The following CFAP251 variants were observed in gnomAD, a reference collection of about 807,000 sequenced individuals.
CFAP251 encodes cilia- and flagella-associated protein 251.
Under a neutral mutation model 126.7 loss-of-function variants are expected in CFAP251, and 93 were observed. The ratio of observed to expected loss-of-function variants is 0.73; its 90% confidence interval spans 0.62 to 0.87. The LOEUF is 0.87. Ranked by LOEUF, CFAP251 falls within the 40% of genes least tolerant of loss-of-function variation. CFAP251 has a pLI of 0.00. For missense variants in CFAP251, 1,287 were observed against 1,389.2 expected, an observed-to-expected ratio of 0.93 and a Z score of 1.17; for synonymous variants, 503 against 506.9, an observed-to-expected ratio of 0.99 and a Z score of 0.10.
chr12:121,965,884 A>T (rs1882103945), intron 15 of CFAP251, among the ~76,000 whole-genome samples: 3 of 144,578 alleles, frequency 2.1e-5, no homozygotes, highest in South Asian at 2.2e-4. Context: ...CAGTGGCATG[A>T]TCTCAGCTCA....
At position 121,959,019 on chromosome 12, in the gene CFAP251, A is replaced by G. The variant is rs753126148; in HGVS notation, c.2058A>G (p.Pro686=). 1 of 1,613,462 alleles carries G rather than the reference A, an allele frequency of 6.2e-7. No homozygotes were observed. The highest frequency in any genetic ancestry group is 8.5e-7 in the Non-Finnish European group (1 of 1,179,774). The change falls in exon 13 of 22, where the codon CCA becomes CCG. Residue 686 remains proline, a synonymous_variant. Transcript: ENST00000288912. ...CAATGTCTTTAGAAAATGAAAGCCC[A>G]GAGCCTTTCAAATATTCCAGAACCA... The part of the protein sequence containing the change: ...LDAMSLENES[P]EPFKYSRTSV...
intron 2 of CFAP251, 134 bp from the exon 3 acceptor site, chr12:121,923,488 C>G: frequency 2.5e-6 from 3 of 1,207,384 alleles, no homozygotes; most frequent in Non-Finnish European, 3.4e-6. Flanking sequence ...CAAAATGTTC[C>G]AGCCTCTTTT....
At position 121,975,610 on chromosome 12, in the gene CFAP251, G is replaced by T; in HGVS notation, c.2931G>T (p.Lys977Asn). Residue 977 changes from lysine (K) to asparagine (N), a missense_variant, in exon 19 of 22, where the codon AAG becomes AAT. Physicochemically the swap from Lys to Asn is moderately conservative, Grantham distance 94. Transcript: ENST00000288912. ...GCATCGACACAATGGAGACCAGAAA[G>T]GTGTCAGAACACATTTGCCTGTCAG... ...SQGIDTMETR[K>N]VSEHICLSEL... 1.2e-6 allele frequency: 2 copies of T among 1,604,490 alleles called. No homozygotes were observed. Among genetic ancestry groups the T allele is most frequent in the Non-Finnish European group, 1.7e-6 (2 of 1,177,646 alleles).
rs527522934 is a variant in CFAP251 at position 122,002,928 on chromosome 12, C to T, written c.3338-724C>T. The stretch of plus-strand genomic sequence containing the variant: ...CATCAAATTAAACAAAGTCCCTGAA[C>T]TCAGATAATTTCAGACTCCAGTAGC... On this transcript the variant is annotated intron_variant, in intron 21 of 21. Coordinates refer to ENST00000288912, the MANE Select transcript of CFAP251 (RefSeq NM_144668.6). Among the ~76,000 whole-genome samples the T allele has an allele frequency of 7.9e-5, 12 of 152,264 alleles. No homozygotes were observed. The South Asian group carries it at 2.5e-3, about 32-fold the overall frequency.
chr12:121,936,345 G>A (rs1467667233), intron 5 of CFAP251, among the ~76,000 whole-genome samples: 1 of 152,230 alleles, frequency 6.6e-6, no homozygotes, highest in Non-Finnish European at 1.5e-5. Context: ...TACGCGGGAG[G>A]CTGAGGCGGG....
At chr12:121,975,810 TG>T (rs1882443047) in intron 19 of CFAP251, 125 bp downstream of exon 19, 2 of 1,070,114 alleles carry the variant, frequency 1.9e-6, no homozygotes, top group Non-Finnish European at 1.3e-6. Context: ...ATCAGAAAGA[TG>T]GTTCTGGGCA....
chr12:121,957,996 T>A (rs1881787350), intron 11 of CFAP251, among the ~76,000 whole-genome samples: 3 of 152,242 alleles, frequency 2.0e-5, no homozygotes, highest in Non-Finnish European at 4.4e-5. Context: ...CATATTTGCA[T>A]ACACAAATGA....
At chr12:121,947,854 G>A (rs1397814805) in intron 7 of CFAP251, 1 of 152,120 alleles carries the variant, frequency 6.6e-6, no homozygotes, top group Non-Finnish European at 1.5e-5. Context: ...GTGCTGTTCT[G>A]ATATGAATTC....
At chr12:121,936,082 A>G (rs902501762) in intron 5 of CFAP251, among the ~76,000 whole-genome samples, 8 of 152,176 alleles carry the variant, frequency 5.3e-5, no homozygotes, top group South Asian at 2.1e-4. Context: ...TGCTGAACAG[A>G]AAGTACAGAA....
chr12:121,980,318 C>A (rs1036911424), intron 19 of CFAP251, among the ~76,000 whole-genome samples: 1 of 152,076 alleles, frequency 6.6e-6, no homozygotes, highest in African/African-American at 2.4e-5. Flanking sequence ...GTGCAGCAGT[C>A]GCACCCAGGA....
At position 121,928,687 on chromosome 12, in the gene CFAP251, TAC is replaced by T. The variant is rs1320403141; in HGVS notation, c.748-3058_748-3057del. ...ATATATACGTATATATATATATATA[TAC>T]GTATATATATATATATTTTTTTTTT... is the stretch of plus-strand genomic sequence containing the variant. On this transcript the variant is annotated intron_variant, in intron 3 of 21. Transcript: ENST00000288912. 5.4e-4 allele frequency among the ~76,000 whole-genome samples: 19 copies of T among 35,326 alleles called. 1 individual carries two copies. The highest frequency in any genetic ancestry group is 1.3e-3 in the Non-Finnish European group (14 of 10,654). The allele number at this position is 35,326 out of a possible 152,430, so 23.2% of individuals were successfully genotyped here. A position where few individuals can be genotyped will look rare whatever the true frequency, so the allele number is the denominator to read the frequency against.
chr12:121,919,720 G>A (rs764849721), intron 1 of CFAP251, among the ~76,000 whole-genome samples: 54 of 152,122 alleles, frequency 3.5e-4, no homozygotes, highest in African/African-American at 5.6e-4. Flanking sequence ...GCTTCTTCTC[G>A]TATTCCTGTT....
intron 7 of CFAP251, among the ~76,000 whole-genome samples, chr12:121,943,888 T>C (rs1217320801): frequency 6.6e-6 from 1 of 152,232 alleles, no homozygotes. Context: ...TTAATATCTG[T>C]GGAATACTAC....
intron 11 of CFAP251, among the ~76,000 whole-genome samples, chr12:121,957,541 A>G (rs1881770019): frequency 6.6e-6 from 1 of 151,992 alleles, no homozygotes; most frequent in Non-Finnish European, 1.5e-5. Flanking sequence ...CGTCTCTATT[A>G]AAAATACAAA....
chr12:121,948,092 C>G (rs891320640), intron 7 of CFAP251: 2 of 152,206 alleles, frequency 1.3e-5, no homozygotes, highest in Non-Finnish European at 2.9e-5. Context: ...CCATGGCTCC[C>G]CAGGAAGAGC....
chr12:121,945,553 C>T (rs192784936), intron 7 of CFAP251, among the ~76,000 whole-genome samples: 98 of 151,214 alleles, frequency 6.5e-4, no homozygotes, highest in African/African-American at 2.0e-3. Flanking sequence ...CCATGTTAGC[C>T]AGGATGGTCT....
chr12:121,962,110 T>G lies in CFAP251; in HGVS notation c.2440T>G (p.Cys814Gly), dbSNP rs369435481. 9 of 1,613,966 alleles carry G rather than the reference T, an allele frequency of 5.6e-6. No homozygotes were observed. In the East Asian group the frequency reaches 2.0e-4, roughly 36 times the overall value. ...CACCAGGGAACTCTTCCTGCTTATT[T>G]GCAACAGTGGCTACAAAGTGAAGCT... ...PLTRELFLLI[C>G]NSGYKVKLFN... Residue 814 changes from cysteine (C) to glycine (G), a missense_variant, in exon 15 of 22, where the codon TGC becomes GGC. Coordinates refer to ENST00000288912, the MANE Select transcript of CFAP251 (RefSeq NM_144668.6).
chr12:121,934,910 G>A (rs573910567), intron 5 of CFAP251, among the ~76,000 whole-genome samples: 338 of 152,302 alleles, frequency 2.2e-3, no homozygotes, highest in African/African-American at 7.7e-3. Flanking sequence ...AGGATCAAGA[G>A]ATTCTCCTGC....
At chr12:121,923,588 A>G (rs1403548622) in intron 2 of CFAP251, 34 bp from the exon 3 acceptor site, 7 of 1,576,550 alleles carry the variant, frequency 4.4e-6, no homozygotes, top group Non-Finnish European at 6.0e-6. Context: ...GTAGCAGCAC[A>G]TATGGAATCA....
Sources: allele counts gnomAD v4.1 joint callset (sites outside exome capture counted in the v4.1 genomes callset), GRCh38; gene constraint gnomAD v4.1.1; transcripts MANE v1.5; gene names NCBI Gene and HGNC (gene_info 2026-07-23, HGNC 2026-07-21).